The following DPYD variants were observed in gnomAD, a reference collection of about 807,000 sequenced individuals.
DPYD encodes dihydropyrimidine dehydrogenase.
DPYD carries 109 observed loss-of-function variants against 116.2 expected under a neutral mutation model. The ratio of observed to expected loss-of-function variants is 0.94; its 90% CI spans 0.80 to 1.10. The LOEUF (loss-of-function observed/expected upper bound fraction) is 1.10. Among genes scored for constraint, DPYD ranks in the 50% least tolerant of loss-of-function variants. The pLI, the probability that DPYD is intolerant of heterozygous loss-of-function variation, is 0.00. For synonymous variants in DPYD, 440 were observed against 432.0 expected (o/e 1.02, Z -0.23); for missense variants, 1,302 against 1,254.5 (o/e 1.04, Z -0.57).
intron 21 of DPYD, among the ~76,000 whole-genome samples, chr1:97,089,833 T>G (rs1256813747): frequency 2.8e-5 from 4 of 141,092 alleles, no homozygotes; most frequent in Admixed American, 2.1e-4. Flanking sequence ...GTTTGTTTTT[T>G]TTTTTTTTTT....
intron 6 of DPYD, among the ~76,000 whole-genome samples, chr1:97,698,588 A>G (rs909585894): frequency 1.3e-5 from 2 of 151,948 alleles, no homozygotes; most frequent in African/African-American, 4.8e-5. Context: ...CAGATATTCC[A>G]AATGGATACA....
In DPYD at chr1:97,251,753, C is replaced by T. The variant is rs568883388; in HGVS notation, c.2300-16759G>A. Among the ~76,000 whole-genome samples the T allele has an allele frequency of 8.7e-4, 132 of 152,242 alleles. 2 individuals are homozygous for T. Among genetic ancestry groups the T allele is most frequent in the African/African-American group, 3.0e-3 (125 of 41,542 alleles). On this transcript the variant is annotated intron_variant, in intron 18 of 22. Transcript: ENST00000370192. ...GATGAGCATATAAAGACAGGTATTA[C>T]GGCTAGACTATACCTCTAAATCGTA... is the stretch of plus-strand genomic sequence containing the variant.
At chr1:97,310,274 G>A (rs1305608146) in intron 16 of DPYD, among the ~76,000 whole-genome samples, 1 of 151,648 alleles carries the variant, frequency 6.6e-6, no homozygotes, top group Non-Finnish European at 1.5e-5. Context: ...CCATGTTTCT[G>A]ATGGAAAGAA....
Position 97,699,410 on chromosome 1 carries a change from A to T in DPYD, c.621T>A (p.Ala207=), listed in dbSNP as rs769440759. 10 of 1,613,706 alleles carry T rather than the reference A, an allele frequency of 6.2e-6. No individual in the cohort carries two copies. Among genetic ancestry groups the T allele is most frequent in the Non-Finnish European group, 8.5e-6 (10 of 1,179,712 alleles). ...PASISCASFL[A]RLGYSDITIF... is the part of the protein sequence containing the mutation. ...TAGTGATGTCAGAGTACCCCAATCG[A>T]GCCAAAAAGGAAGCACAACTTATAC... is the stretch of plus-strand genomic sequence containing the variant. The change falls in exon 6 of 23, where the codon GCT becomes GCA. Residue 207 remains alanine, a synonymous_variant. Transcript: ENST00000370192.
intron 13 of DPYD, among the ~76,000 whole-genome samples, chr1:97,490,322 G>T: frequency 6.8e-6 from 1 of 147,072 alleles, no homozygotes; most frequent in Non-Finnish European, 1.5e-5. Flanking sequence ...ATATAATATA[G>T]AATATACTGA....
intron 3 of DPYD, among the ~76,000 whole-genome samples, chr1:97,750,835 A>G (rs1007339662): frequency 2.0e-5 from 3 of 152,158 alleles, no homozygotes; most frequent in Non-Finnish European, 4.4e-5. Flanking sequence ...TGGAGGGCCA[A>G]CTGAGGGACT....
At chr1:97,343,448 A>C (rs1669685415) in intron 16 of DPYD, among the ~76,000 whole-genome samples, 1 of 152,142 alleles carries the variant, frequency 6.6e-6, no homozygotes, top group East Asian at 1.9e-4. Flanking sequence ...TAATATTTAA[A>C]ATACAGAAAA....
intron 3 of DPYD, among the ~76,000 whole-genome samples, chr1:97,753,098 G>A (rs1483367510): frequency 6.6e-6 from 1 of 152,084 alleles, no homozygotes; most frequent in Non-Finnish European, 1.5e-5. Context: ...TGCTAGCACT[G>A]TTCTGTGTGT....
At chr1:97,814,126 G>C in intron 3 of DPYD, among the ~76,000 whole-genome samples, 1 of 152,222 alleles carries the variant, frequency 6.6e-6, no homozygotes, top group Non-Finnish European at 1.5e-5. Context: ...CTGAAGCTGA[G>C]AGCTGAATAG....
At chr1:97,324,608 A>G (rs1570527713) in intron 16 of DPYD, among the ~76,000 whole-genome samples, 2 of 152,248 alleles carry the variant, frequency 1.3e-5, no homozygotes, top group South Asian at 2.1e-4. Context: ...AGAACTTACA[A>G]TCAAGTTATA....
intron 3 of DPYD, among the ~76,000 whole-genome samples, chr1:97,826,227 G>T (rs1021430570): frequency 1.3e-5 from 2 of 152,070 alleles, no homozygotes; most frequent in Non-Finnish European, 2.9e-5. Context: ...GGACATCCTG[G>T]TATGTTCTAA....
chr1:97,596,584 T>A (rs778826449), intron 8 of DPYD, among the ~76,000 whole-genome samples: 9 of 152,138 alleles, frequency 5.9e-5, no homozygotes, highest in African/African-American at 7.2e-5. Context: ...TACCAATGGG[T>A]CATTCTAGAG....
chr1:97,117,558 T>G (rs116319961), intron 20 of DPYD, among the ~76,000 whole-genome samples: 2,464 of 152,318 alleles, frequency 0.016, 41 homozygotes, highest in South Asian at 0.063. Context: ...CAATCCATTG[T>G]ATACATATTG....
At chr1:97,915,534 T>C (rs1336032090) in intron 1 of DPYD, among the ~76,000 whole-genome samples, 1 of 152,114 alleles carries the variant, frequency 6.6e-6, no homozygotes, top group African/African-American at 2.4e-5. Context: ...AGGATATCAG[T>C]GAACACCCAC....
rs190608992 is a variant in DPYD at position 97,153,399 on chromosome 1, G to A, written c.2622+39670C>T. Reference sequence around the variant, plus strand: ...ACATGGCGAGGACAGTATTAAAAACGTGTCTATCCTATTCAACAAATGGTG... The same window carrying A: ...ACATGGCGAGGACAGTATTAAAAACATGTCTATCCTATTCAACAAATGGTG... On this transcript the variant is annotated intron_variant, in intron 20 of 22. Transcript: ENST00000370192. Among the ~76,000 whole-genome samples the A allele has an allele frequency of 1.1e-3, 164 of 152,116 alleles. 1 individual carries two copies. Among genetic ancestry groups the A allele is most frequent in the Non-Finnish European group, 9.3e-4 (63 of 67,984 alleles).
intron 16 of DPYD, among the ~76,000 whole-genome samples, chr1:97,319,652 T>A (rs1668112262): frequency 1.9e-5 from 2 of 107,854 alleles, no homozygotes; most frequent in Non-Finnish European, 1.9e-5. Context: ...CTACCAGAGG[T>A]ACAAGGAGGA....
intron 2 of DPYD, among the ~76,000 whole-genome samples, chr1:97,873,917 G>A (rs2101622252): frequency 6.6e-6 from 1 of 151,900 alleles, no homozygotes; most frequent in East Asian, 1.9e-4. Context: ...GGGAGAAAAT[G>A]ACTAAACAAC....
At chr1:97,146,445 G>C (rs1654640501) in intron 20 of DPYD, among the ~76,000 whole-genome samples, 1 of 152,148 alleles carries the variant, frequency 6.6e-6, no homozygotes, top group Non-Finnish European at 1.5e-5. Context: ...CAAATGTAAA[G>C]GAAGCACACC....
chr1:97,721,074 T>C, intron 5 of DPYD: 1 of 1,196,934 alleles, frequency 8.4e-7, no homozygotes, highest in South Asian at 1.5e-5. Context: ...TTTCAGGGTT[T>C]TTGAAAATTC....
Sources: gnomAD v4.1 joint callset for allele counts (sites outside exome capture counted in the v4.1 genomes callset) on GRCh38, gnomAD v4.1.1 for gene constraint, MANE v1.5 for transcripts, NCBI Gene and HGNC (gene_info 2026-07-23, HGNC 2026-07-21) for gene names.